The following PLCE1 variants were observed in gnomAD, a reference collection of about 807,000 sequenced individuals.
PLCE1 encodes the protein 1-phosphatidylinositol 4,5-bisphosphate phosphodiesterase epsilon-1.
A neutral mutation model predicts 242.8 loss-of-function variants in PLCE1; 119 were observed. The observed-to-expected ratio is 0.49, with a 90% CI of 0.42 to 0.57. The LOEUF (loss-of-function observed/expected upper bound fraction) is 0.57. Among genes scored for constraint, PLCE1 ranks in the 20% least tolerant of loss-of-function variants. PLCE1 has a pLI of 0.00. For missense variants in PLCE1, 2,441 were observed against 2,788.8 expected (o/e 0.88, Z 2.81); for synonymous variants, 945 against 1,017.4 (o/e 0.93, Z 1.35).
intron 7 of PLCE1, among the ~76,000 whole-genome samples, chr10:94,239,597 G>C (rs908503265): frequency 6.6e-6 from 1 of 152,180 alleles, no homozygotes; most frequent in Admixed American, 6.5e-5. Context: ...GCACTTAAGT[G>C]TGGACACCCT....
intron 2 of PLCE1, among the ~76,000 whole-genome samples, chr10:94,128,533 A>G (rs939021607): frequency 1.5e-4 from 23 of 152,206 alleles, no homozygotes. Flanking sequence ...ATTTCTTCAG[A>G]CAAGTTTGGG....
intron 29 of PLCE1, among the ~76,000 whole-genome samples, chr10:94,319,670 C>CAAACT (rs1356082763): frequency 6.6e-6 from 1 of 152,080 alleles, no homozygotes; most frequent in Non-Finnish European, 1.5e-5. Flanking sequence ...AATCTATATA[C>CAAACT]AAACTACCCT....
At chr10:94,295,588 C>T (rs2052785045) in intron 23 of PLCE1, among the ~76,000 whole-genome samples, 1 of 152,210 alleles carries the variant, frequency 6.6e-6, no homozygotes, top group Admixed American at 6.5e-5. Flanking sequence ...TTTTGACCTC[C>T]TCCCATGAAT....
At chr10:94,212,217 G>T (rs2049359785) in intron 4 of PLCE1, among the ~76,000 whole-genome samples, 1 of 152,116 alleles carries the variant, frequency 6.6e-6, no homozygotes, top group African/African-American at 2.4e-5. Flanking sequence ...CTCCCAAGTA[G>T]CTGGAATTAC....
chr10:94,212,581 G>C (rs549387153), intron 4 of PLCE1, among the ~76,000 whole-genome samples: 1 of 152,068 alleles, frequency 6.6e-6, no homozygotes, highest in Admixed American at 6.6e-5. Context: ...AATAGAGATG[G>C]GGTTTCACCC....
intron 2 of PLCE1, among the ~76,000 whole-genome samples, chr10:94,117,506 C>T (rs1398459735): frequency 1.3e-5 from 2 of 152,124 alleles, no homozygotes; most frequent in South Asian, 2.1e-4. Flanking sequence ...TCATTTGTGC[C>T]GTCTTTGACA....
intron 28 of PLCE1, chr10:94,315,325 A>G: frequency 2.2e-6 from 1 of 445,996 alleles, no homozygotes; most frequent in Non-Finnish European, 4.5e-6. Flanking sequence ...GGGCCTGAGG[A>G]GAAGGGTGTT....
chr10:94,070,913 A>G (rs1471835599), intron 2 of PLCE1, among the ~76,000 whole-genome samples: 1 of 152,050 alleles, frequency 6.6e-6, no homozygotes. Context: ...CCTTGGCTGT[A>G]CTGGCCAACA....
intron 4 of PLCE1, among the ~76,000 whole-genome samples, chr10:94,183,260 A>G (rs1397667600): frequency 6.6e-6 from 1 of 152,216 alleles, no homozygotes; most frequent in Non-Finnish European, 1.5e-5. Context: ...CATAAATCCA[A>G]CTGCCTTCTC....
intron 4 of PLCE1, among the ~76,000 whole-genome samples, chr10:94,203,339 A>G (rs995415097): frequency 1.3e-5 from 2 of 152,202 alleles, no homozygotes; most frequent in Admixed American, 1.3e-4. Context: ...TCCTGGACCC[A>G]TCTTTACATT....
chr10:94,179,107 T>C (rs11187802), intron 4 of PLCE1, among the ~76,000 whole-genome samples: 54,434 of 152,082 alleles, frequency 0.36, 11,198 homozygotes, highest in East Asian at 0.56. Context: ...AGAGCAGATA[T>C]TGTATTCTTT....
At chr10:94,046,336 G>A (rs1191181811) in intron 2 of PLCE1, among the ~76,000 whole-genome samples, 1 of 152,162 alleles carries the variant, frequency 6.6e-6, no homozygotes, top group African/African-American at 2.4e-5. Flanking sequence ...GAGAAGCAGA[G>A]CCAAATGCAA....
chr10:94,169,303 A>C (rs1217092187), intron 3 of PLCE1, among the ~76,000 whole-genome samples: 1 of 152,186 alleles, frequency 6.6e-6, no homozygotes, highest in Non-Finnish European at 1.5e-5. Flanking sequence ...AGAGGTTTGG[A>C]GTTTAAAGGA....
intron 7 of PLCE1, among the ~76,000 whole-genome samples, chr10:94,239,435 T>G (rs944386328): frequency 7.9e-5 from 12 of 152,362 alleles, no homozygotes; most frequent in Non-Finnish European, 1.3e-4. Context: ...CACCTTCTGC[T>G]TCCCCTTCAC....
At chr10:94,186,638 C>T (rs576622682) in intron 4 of PLCE1, among the ~76,000 whole-genome samples, 3 of 152,314 alleles carry the variant, frequency 2.0e-5, no homozygotes, top group East Asian at 1.9e-4. Flanking sequence ...GACTATTCAT[C>T]GGGTTGGCCT....
intron 4 of PLCE1, among the ~76,000 whole-genome samples, chr10:94,177,085 T>C (rs938651971): frequency 2.0e-5 from 3 of 152,198 alleles, no homozygotes; most frequent in Non-Finnish European, 2.9e-5. Flanking sequence ...TTCTATATTC[T>C]AACAACTCTC....
At chr10:94,117,834 A>G (rs191027331) in intron 2 of PLCE1, among the ~76,000 whole-genome samples, 2 of 152,360 alleles carry the variant, frequency 1.3e-5, no homozygotes, top group African/African-American at 4.8e-5. Context: ...GAAGGACAAC[A>G]TTATTTCAAA....
chr10:94,255,910 ACACACTCTCTCT>A (rs1303861537), intron 11 of PLCE1, among the ~76,000 whole-genome samples: 5 of 92,052 alleles, frequency 5.4e-5, no homozygotes, highest in African/African-American at 1.8e-4. Flanking sequence ...ACACACACAC[ACACACTCTCTCT>A]CTCTCTCTCT....
chr10:94,292,325 CTGTT>C (rs1338013798), intron 22 of PLCE1, among the ~76,000 whole-genome samples: 116 of 152,130 alleles, frequency 7.6e-4, no homozygotes, highest in Non-Finnish European at 2.9e-5. Flanking sequence ...AAATCCAAAA[CTGTT>C]TGAACGCTGA....
Sources: gnomAD v4.1 joint callset for allele counts (sites outside exome capture counted in the v4.1 genomes callset) on GRCh38, gnomAD v4.1.1 for gene constraint, MANE v1.5 for transcripts, NCBI Gene and HGNC (gene_info 2026-07-23, HGNC 2026-07-21) for gene names.